ABHD2: variants seen among roughly 807,000 people sequenced by gnomAD.
ABHD2 encodes the protein abhydrolase domain containing 2, acylglycerol lipase, also known as monoacylglycerol lipase ABHD2.
Under a neutral mutation model 48.1 loss-of-function variants are expected in ABHD2, and 20 were observed. The observed-to-expected ratio is 0.42, with a 90% CI of 0.29 to 0.60. ABHD2 has a LOEUF of 0.60. Among genes scored for constraint, ABHD2 ranks in the 20% least tolerant of loss-of-function variants. The probability of loss-of-function intolerance (pLI) is 0.24; values close to 1 mark genes in which losing one functional copy is unlikely to be tolerated. For missense variants in ABHD2, 405 were observed against 550.9 expected, an observed-to-expected ratio of 0.74 and a Z score of 2.65; for synonymous variants, 209 against 214.2, an observed-to-expected ratio of 0.98 and a Z score of 0.21.
Position 89,117,128 on chromosome 15 carries a change from C to T in ABHD2, c.194+607C>T, listed in dbSNP as rs563129278. 1.1e-3 allele frequency among the ~76,000 whole-genome samples: 160 copies of T among 152,270 alleles called. 1 individual carries two copies. The highest frequency in any genetic ancestry group is 6.8e-3 in the Middle Eastern group (2 of 294). On this transcript the variant is annotated intron_variant, in intron 3 of 10. Transcript: ENST00000352732. ...GCAACCTCCACCTCCCGGGTTCAAGCGATTCTGGTGTCTCAGCCTCTGGAG... is the reference window on the plus strand; with the variant it reads ...GCAACCTCCACCTCCCGGGTTCAAGTGATTCTGGTGTCTCAGCCTCTGGAG...
chr15:89,077,750 A>G, the ABHD2 span, among the ~76,000 whole-genome samples: 5 of 152,134 alleles, frequency 3.3e-5, no homozygotes, highest in African/African-American at 9.7e-5. Context: ...GTAACTTCTC[A>G]AGCTCCTTCA....
At chr15:89,088,264 C>G (rs1292406743), upstream of ABHD2, 2 of 152,446 alleles carry the variant, frequency 1.3e-5, no homozygotes, top group Non-Finnish European at 2.9e-5. This position sits in a 1 kb window ranked among gnomAD's most constrained non-coding sequence, Gnocchi z 6.8. Context: ...CCCTAAGAAT[C>G]CCGCCTCCAC....
the ABHD2 span, among the ~76,000 whole-genome samples, chr15:89,048,203 C>T: frequency 2.7e-5 from 4 of 150,456 alleles, no homozygotes; most frequent in African/African-American, 7.3e-5. Context: ...AAATTCTTTT[C>T]TTTAAGAATG....
At chr15:89,063,775 C>G in the ABHD2 span, among the ~76,000 whole-genome samples, 1 of 152,144 alleles carries the variant, frequency 6.6e-6, no homozygotes, top group Non-Finnish European at 1.5e-5. Context: ...AAACTCTGTA[C>G]CCATCAAGTC....
chr15:89,160,929 A>G (rs1359067703), intron 5 of ABHD2, among the ~76,000 whole-genome samples: 1 of 152,242 alleles, frequency 6.6e-6, no homozygotes, highest in Non-Finnish European at 1.5e-5. Context: ...GTTTATCACA[A>G]TTTCTGAAGG....
intron 3 of ABHD2, among the ~76,000 whole-genome samples, chr15:89,124,855 A>G (rs1467477806): frequency 6.6e-6 from 1 of 152,130 alleles, no homozygotes. Context: ...TTGGGAGGCC[A>G]AGGCAGGCGG....
rs2049624400 is a variant in ABHD2, at chr15:89,097,068, A to G, written c.-107+8505A>G. ...AGCTTGGGCCTTTGTGACTAGCAGG[A>G]CTGTTTGTCATATTGCTAAATAATC... On this transcript the variant is annotated intron_variant, in intron 1 of 10. Coordinates refer to ENST00000352732, the MANE Select transcript of ABHD2 (RefSeq NM_152924.5). This position sits in a 1 kb window ranked among gnomAD's most constrained non-coding sequence, Gnocchi z 4.2. Among the ~76,000 whole-genome samples, 1 of 152,286 alleles carries G rather than the reference A, an allele frequency of 6.6e-6. No homozygotes were observed. The highest frequency in any genetic ancestry group is 2.4e-5 in the African/African-American group (1 of 41,550).
intron 1 of ABHD2, among the ~76,000 whole-genome samples, chr15:89,099,392 T>C (rs1596061691): frequency 1.3e-5 from 2 of 151,380 alleles, no homozygotes; most frequent in Middle Eastern, 3.4e-3. Context: ...TTGAGGCCAG[T>C]AGTTGGAGAC....
chr15:89,176,856 C>G lies in ABHD2; in HGVS notation c.722+861C>G, dbSNP rs182413718. 6.6e-6 allele frequency among the ~76,000 whole-genome samples: 1 copy of G among 152,230 alleles called. No homozygotes were observed. The highest frequency in any genetic ancestry group is 2.4e-5 in the African/African-American group (1 of 41,462). ...AAAAACACCTCCCTATTGATCCAGT[C>G]TAATGCCAAACAGTCCTTATCGTTA... On this transcript the variant is annotated intron_variant, in intron 6 of 10. Transcript: ENST00000352732. The surrounding 1 kb of genome is among the most constrained non-coding windows in gnomAD (Gnocchi z 4.5).
chr15:89,100,037 G>A lies in ABHD2; in HGVS notation c.-107+11474G>A, dbSNP rs1471655719. Among the ~76,000 whole-genome samples, 5 of 152,070 alleles carry A rather than the reference G, an allele frequency of 3.3e-5. No individual in the cohort carries two copies. The highest frequency in any genetic ancestry group is 3.3e-4 in the Admixed American group (5 of 15,250). On this transcript the variant is annotated intron_variant, in intron 1 of 10. Coordinates refer to ENST00000352732, the MANE Select transcript of ABHD2 (RefSeq NM_152924.5). This position sits in a 1 kb window ranked among gnomAD's most constrained non-coding sequence, Gnocchi z 4.4. Reference sequence around the variant, plus strand: ...GTTCACAGATTTAATATTTTGTCTGGGCAGCCGGTAGAGGAGCTTATGGTC... The same window carrying A: ...GTTCACAGATTTAATATTTTGTCTGAGCAGCCGGTAGAGGAGCTTATGGTC...
rs2150957921 is a variant in ABHD2 at position 89,195,107 on chromosome 15, G to A, written c.1082-120G>A. The A allele has an allele frequency of 2.7e-5, 30 of 1,100,788 alleles. 1 individual carries two copies. The South Asian group carries it at 4.4e-4, about 16-fold the overall frequency. 68.2% of individuals were successfully genotyped at this position (1,100,788 alleles called of 1,614,324 possible). On this transcript the variant is annotated intron_variant, in intron 10 of 10. Coordinates refer to ENST00000352732, the MANE Select transcript of ABHD2 (RefSeq NM_152924.5). This position sits in a 1 kb window ranked among gnomAD's most constrained non-coding sequence, Gnocchi z 5.1. ...AACAAGGCAGAGTGAGTAGAGGTTG[G>A]ATGCCCACTTAGGTGACCCTGCGGG...
the ABHD2 span, among the ~76,000 whole-genome samples, chr15:89,072,947 T>A: frequency 6.6e-6 from 1 of 151,930 alleles, no homozygotes; most frequent in Non-Finnish European, 1.5e-5. Context: ...AATTTTTAAC[T>A]AGTAAGTTTG....
chr15:89,132,916 C>G (rs139678628), intron 3 of ABHD2, among the ~76,000 whole-genome samples: 76 of 152,260 alleles, frequency 5.0e-4, no homozygotes, highest in Middle Eastern at 3.4e-3. Context: ...GCCCACATAC[C>G]GTAGGGGAGG....
At position 89,201,354 on chromosome 15, in the gene ABHD2, C is replaced by A; in HGVS notation, c.*5931C>A. Reference sequence around the variant, plus strand: ...CTGTGTGGTTGTGGCGTGGGCCCGTCTTGCTTAGATGCATTCAGTGGGACA... The same window carrying A: ...CTGTGTGGTTGTGGCGTGGGCCCGTATTGCTTAGATGCATTCAGTGGGACA... On this transcript the variant is annotated 3_prime_UTR_variant, in exon 11 of 11. Transcript: ENST00000352732. 9.5e-7 allele frequency: 1 copy of A among 1,047,960 alleles called. No individual in the cohort carries two copies. Among genetic ancestry groups the A allele is most frequent in the South Asian group, 1.3e-5 (1 of 75,624 alleles). The allele number at this position is 1,047,960 out of a possible 1,614,324, so 64.9% of individuals were successfully genotyped here.
At chr15:89,115,350 G>A (rs1466588131) in intron 2 of ABHD2, among the ~76,000 whole-genome samples, 3 of 145,460 alleles carry the variant, frequency 2.1e-5, no homozygotes, top group African/African-American at 7.7e-5. Flanking sequence ...GCTTATGTTT[G>A]GTTTTATATG....
Position 89,166,438 on chromosome 15 carries a change from G to C in ABHD2, c.539-9374G>C, listed in dbSNP as rs2050839545. On this transcript the variant is annotated intron_variant, in intron 5 of 10. Coordinates refer to ENST00000352732, the MANE Select transcript of ABHD2 (RefSeq NM_152924.5). This position sits in a 1 kb window ranked among gnomAD's most constrained non-coding sequence, Gnocchi z 4.6. Reference sequence around the variant, plus strand: ...ATCACAGCATTGAATTCTCTTGCTGGGAGGAGGAAATCTTTAATGTCCAAC... The same window carrying C: ...ATCACAGCATTGAATTCTCTTGCTGCGAGGAGGAAATCTTTAATGTCCAAC... Among the ~76,000 whole-genome samples, 1 of 152,150 alleles carries C rather than the reference G, an allele frequency of 6.6e-6. No individual in the cohort carries two copies.
chr15:89,142,010 A>G (rs892124823), intron 3 of ABHD2, among the ~76,000 whole-genome samples: 6 of 152,276 alleles, frequency 3.9e-5, no homozygotes, highest in Non-Finnish European at 8.8e-5. Flanking sequence ...GATGACTAAT[A>G]GACTCATAGG....
chr15:89,181,228 CAAAAAAAAAAAA>C (rs61411388), intron 6 of ABHD2, among the ~76,000 whole-genome samples: 1 of 69,176 alleles, frequency 1.4e-5, no homozygotes, highest in Non-Finnish European at 2.5e-5. Flanking sequence ...GACTCTGTCT[CAAAAAAAAAAAA>C]AAAAAAAAAA....
rs889318302 is a variant in ABHD2 at position 89,106,953 on chromosome 15, C to T, written c.-106-6772C>T. ...AGAATGACATGGGATGGAAACAGAC[C>T]ATGTTTTTGGGGTGGTGTGCTGTGG... On this transcript the variant is annotated intron_variant, in intron 1 of 10. Coordinates refer to ENST00000352732, the MANE Select transcript of ABHD2 (RefSeq NM_152924.5). The surrounding 1 kb of genome is among the most constrained non-coding windows in gnomAD (Gnocchi z 4.2). 1.8e-4 allele frequency among the ~76,000 whole-genome samples: 27 copies of T among 152,124 alleles called. No individual in the cohort carries two copies. Among genetic ancestry groups the T allele is most frequent in the Non-Finnish European group, 2.6e-4 (18 of 68,032 alleles).
Sources: allele counts gnomAD v4.1 joint callset (sites outside exome capture counted in the v4.1 genomes callset), GRCh38; gene constraint gnomAD v4.1.1; non-coding constraint Gnocchi (gnomAD v3.1); transcripts MANE v1.5; gene names NCBI Gene and HGNC (gene_info 2026-07-23, HGNC 2026-07-21).